The following C3orf20 variants were observed in gnomAD, a reference collection of about 807,000 sequenced individuals.
C3orf20 encodes the protein family with sequence similarity 149 member C.
In C3orf20, 76 loss-of-function variants were observed where a neutral mutation model predicts 88.3. The ratio of observed to expected loss-of-function variants is 0.86; its 90% CI spans 0.72 to 1.04. C3orf20 has a LOEUF of 1.04. Among genes scored for constraint, C3orf20 ranks in the 50% least tolerant of loss-of-function variants. The probability of loss-of-function intolerance (pLI) is 0.00; values close to 1 mark genes in which losing one functional copy is unlikely to be tolerated. For missense variants in C3orf20, 1,056 were observed against 1,123.3 expected (o/e 0.94, Z 0.86); for synonymous variants, 436 against 437.4 (o/e 1.00, Z 0.04).
Position 14,772,118 on chromosome 3 carries a change from C to T in C3orf20, c.2547C>T (p.Ala849=), listed in dbSNP as rs762962549. 1.5e-5 allele frequency: 24 copies of T among 1,614,182 alleles called. No individual in the cohort carries two copies. The highest frequency in any genetic ancestry group is 2.2e-5 in the East Asian group (1 of 44,878). Residue 849 remains alanine (A), a synonymous_variant, in exon 16 of 17, where the codon GCC becomes GCT. Transcript: ENST00000253697. This position sits in a 1 kb window ranked among gnomAD's most constrained non-coding sequence, Gnocchi z 4.2. The part of the protein sequence containing the change: ...SLEDSESVKK[A]ESEDIQGSSS... ...AGGATTCTGAATCAGTCAAGAAAGC[C>T]GAGTCAGAAGATATCCAAGGAAGCA...
chr3:14,720,371 C>G (rs2034110393), intron 9 of C3orf20, among the ~76,000 whole-genome samples: 2 of 152,146 alleles, frequency 1.3e-5, no homozygotes, highest in African/African-American at 4.8e-5. Flanking sequence ...TCAAAGATGT[C>G]AAAAGACTTG....
intron 7 of C3orf20, among the ~76,000 whole-genome samples, chr3:14,710,012 G>A (rs1254045465): frequency 6.6e-6 from 1 of 151,972 alleles, no homozygotes; most frequent in Non-Finnish European, 1.5e-5. Flanking sequence ...TCTTTGTTGG[G>A]TGATTTTTCA....
At chr3:14,693,872 C>T (rs1395577080) in intron 5 of C3orf20, among the ~76,000 whole-genome samples, 1 of 152,104 alleles carries the variant, frequency 6.6e-6, no homozygotes, top group Non-Finnish European at 1.5e-5. Flanking sequence ...TCCTTCTATA[C>T]CCAGTTTTTT....
intron 15 of C3orf20, among the ~76,000 whole-genome samples, chr3:14,771,331 G>A (rs115285561): frequency 0.012 from 1,835 of 152,332 alleles, 44 homozygotes; most frequent in African/African-American, 0.041. Flanking sequence ...ATAGCTGCTC[G>A]AACAGCCTAA....
chr3:14,753,354 G>A (rs1009652832), intron 12 of C3orf20, among the ~76,000 whole-genome samples: 1 of 152,170 alleles, frequency 6.6e-6, no homozygotes, highest in Admixed American at 6.5e-5. Flanking sequence ...CAGGGGCTGG[G>A]GGAGGGATAG....
chr3:14,754,350 C>G (rs2035303074), intron 12 of C3orf20, among the ~76,000 whole-genome samples: 1 of 152,214 alleles, frequency 6.6e-6, no homozygotes, highest in South Asian at 2.1e-4. Flanking sequence ...GACAGGCCAG[C>G]CCACAGAACC....
chr3:14,690,167 G>C, intron 5 of C3orf20, 51 bp downstream of exon 5: 2 of 1,611,856 alleles, frequency 1.2e-6, no homozygotes, highest in Non-Finnish European at 1.7e-6. Flanking sequence ...GCGGTGGGGT[G>C]GGGGATAGGT....
chr3:14,726,852 G>A, intron 10 of C3orf20, 49 bp from the exon 11 acceptor site: 1 of 1,611,888 alleles, frequency 6.2e-7, no homozygotes, highest in South Asian at 1.1e-5. Flanking sequence ...TAGGCAGCTG[G>A]CTCTTTGAGG....
chr3:14,722,982 C>G (rs1475880494), intron 10 of C3orf20, among the ~76,000 whole-genome samples: 1 of 152,202 alleles, frequency 6.6e-6, no homozygotes, highest in African/African-American at 2.4e-5. Flanking sequence ...TTTGAGCTCC[C>G]CACAGGGCAC....
chr3:14,761,592 C>T lies in C3orf20; in HGVS notation c.2472C>T (p.Phe824=), dbSNP rs564883700. The change falls in exon 15 of 17, where the codon TTC becomes TTT. Residue 824 remains phenylalanine, a synonymous_variant. Coordinates refer to ENST00000253697, the MANE Select transcript of C3orf20 (RefSeq NM_032137.5). The part of the protein sequence containing the change: ...RSQQDYKMGY[F]LPDDYKFSVP... ...AACAGGATTACAAGATGGGCTACTT[C>T]CTGCCGGATGACTACAAATTCAGGT... 1.7e-5 allele frequency: 28 copies of T among 1,613,962 alleles called. No individual in the cohort carries two copies. The South Asian group carries it at 2.9e-4, about 16-fold the overall frequency.
At chr3:14,745,617 A>G (rs1461226662) in intron 12 of C3orf20, among the ~76,000 whole-genome samples, 1 of 152,216 alleles carries the variant, frequency 6.6e-6, no homozygotes, top group Non-Finnish European at 1.5e-5. Flanking sequence ...GTACAACTAT[A>G]TCTGTAAATA....
chr3:14,684,525 T>C, intron 4 of C3orf20, 143 bp downstream of exon 4: 1 of 1,137,346 alleles, frequency 8.8e-7, no homozygotes, highest in Non-Finnish European at 1.2e-6. Flanking sequence ...TTTCAAATGC[T>C]ACAGGTGAGT....
At position 14,692,108 on chromosome 3, in the gene C3orf20, C is replaced by T. The variant is rs149300448; in HGVS notation, c.745+1992C>T. 5.8e-3 allele frequency among the ~76,000 whole-genome samples: 887 copies of T among 152,264 alleles called. 39 individuals carry two copies. Among genetic ancestry groups the T allele is most frequent in the Admixed American group, 0.051 (773 of 15,294 alleles). On this transcript the variant is annotated intron_variant, in intron 5 of 16. Coordinates refer to ENST00000253697, the MANE Select transcript of C3orf20 (RefSeq NM_032137.5). The stretch of plus-strand genomic sequence containing the variant: ...TTTATGGCTGACTAGTACTCCATTA[C>T]GTGTATGTACCACACTTTCTTCATC...
intron 7 of C3orf20, among the ~76,000 whole-genome samples, chr3:14,707,684 T>A (rs747332651): frequency 6.6e-6 from 1 of 152,178 alleles, no homozygotes; most frequent in Non-Finnish European, 1.5e-5. Flanking sequence ...AGTAGCATCA[T>A]TTAATGCACA....
chr3:14,759,954 C>G lies in C3orf20; in HGVS notation c.2308C>G (p.Pro770Ala). Residue 770 changes from proline to alanine, a missense_variant, in exon 14 of 17, where the codon CCC (proline) becomes GCC (alanine). Pro to Ala is a conservative substitution (Grantham distance 27, BLOSUM62 -1). Transcript: ENST00000253697. ...GGACAGCCCCCTGCAGGAGGACCCT[C>G]CCCTGATGGTGAAGAAGAACTCTGT... is the stretch of plus-strand genomic sequence containing the variant. ...DLDSPLQEDP[P>A]LMVKKNSVVQ... 2 of 1,614,148 alleles carry G rather than the reference C, an allele frequency of 1.2e-6. No homozygotes were observed. The highest frequency in any genetic ancestry group is 1.7e-6 in the Non-Finnish European group (2 of 1,179,996).
chr3:14,686,709 A>C (rs1242480548), intron 4 of C3orf20, among the ~76,000 whole-genome samples: 1 of 152,202 alleles, frequency 6.6e-6, no homozygotes, highest in African/African-American at 2.4e-5. Flanking sequence ...TTATGTCTTA[A>C]GCTTGGTAAA....
intron 4 of C3orf20, among the ~76,000 whole-genome samples, chr3:14,688,054 T>C (rs373294633): frequency 5.3e-5 from 8 of 152,242 alleles, no homozygotes; most frequent in East Asian, 1.9e-4. Context: ...GAAGGAGTGA[T>C]CCATTTATTT....
At chr3:14,684,441 A>G in intron 4 of C3orf20, 59 bp downstream of exon 4, 1 of 1,577,010 alleles carries the variant, frequency 6.3e-7, no homozygotes, top group Non-Finnish European at 8.6e-7. Context: ...GCAGGAATGC[A>G]ATGGAAAGGC....
intron 7 of C3orf20, among the ~76,000 whole-genome samples, chr3:14,712,325 A>T (rs1056501061): frequency 2.0e-5 from 3 of 152,262 alleles, no homozygotes; most frequent in Non-Finnish European, 1.5e-5. Flanking sequence ...GCAAGGAAGG[A>T]TTCTTCCCCA....
Sources: allele counts gnomAD v4.1 joint callset (sites outside exome capture counted in the v4.1 genomes callset), GRCh38; gene constraint gnomAD v4.1.1; non-coding constraint Gnocchi (gnomAD v3.1); transcripts MANE v1.5; gene names NCBI Gene and HGNC (gene_info 2026-07-23, HGNC 2026-07-21).